CNOT10: variants seen among roughly 807,000 people sequenced by gnomAD.
CNOT10 encodes the protein CCR4-NOT transcription complex subunit 10.
A neutral mutation model predicts 94.6 loss-of-function variants in CNOT10; 30 were observed. The ratio of observed to expected loss-of-function variants is 0.32; its 90% CI spans 0.24 to 0.43. The LOEUF (loss-of-function observed/expected upper bound fraction) is 0.43. Ranked by LOEUF, CNOT10 falls within the 20% of genes least tolerant of loss-of-function variation. CNOT10 has a pLI of 1.00. For missense variants in CNOT10, 759 were observed against 877.2 expected (o/e 0.87, Z 1.70); for synonymous variants, 289 against 301.6 (o/e 0.96, Z 0.43).
chr3:32,704,647 C>T (rs1697527939), intron 2 of CNOT10, among the ~76,000 whole-genome samples, 164 bp from the exon 3 acceptor site: 1 of 152,070 alleles, frequency 6.6e-6, no homozygotes, highest in Non-Finnish European at 1.5e-5. Flanking sequence ...GTTTAACTGA[C>T]ATGAATGTTG....
intron 2 of CNOT10, 32 bp from the exon 3 acceptor site, chr3:32,704,779 T>TTG (rs772306771): frequency 1.8e-4 from 263 of 1,494,488 alleles, no homozygotes; most frequent in Middle Eastern, 3.5e-4. Flanking sequence ...GTATGTAATT[T>TTG]TGTGTGTGTG....
At chr3:32,722,546 G>A (rs1487997716) in intron 8 of CNOT10, among the ~76,000 whole-genome samples, 1 of 152,178 alleles carries the variant, frequency 6.6e-6, no homozygotes, top group African/African-American at 2.4e-5. Context: ...AGCTGGAAGT[G>A]GTGGCTCATG....
intron 14 of CNOT10, among the ~76,000 whole-genome samples, 167 bp from the exon 15 acceptor site, chr3:32,762,566 C>G (rs530589094): frequency 6.6e-6 from 1 of 152,264 alleles, no homozygotes; most frequent in Admixed American, 6.5e-5. Flanking sequence ...CCACTACACC[C>G]AGGCAGTTGA....
intron 13 of CNOT10, chr3:32,753,561 G>A: frequency 6.3e-7 from 1 of 1,586,460 alleles, no homozygotes; most frequent in Non-Finnish European, 8.7e-7. Flanking sequence ...CAGAGGCTGT[G>A]AGATGGGAAA....
Position 32,717,131 on chromosome 3 carries a change from T to G in CNOT10, c.661-23T>G. The G allele has an allele frequency of 2.8e-6, 4 of 1,417,240 alleles. No homozygotes were observed. In the South Asian group the frequency reaches 5.0e-5, roughly 18 times the overall value. The allele number at this position is 1,417,240 out of a possible 1,614,324, so 87.8% of individuals were successfully genotyped here. ...ATGTAAATCCACCATAGTTTTAACA[T>G]ACTAACATTTTCCCTTTGACAGTAC... is the stretch of plus-strand genomic sequence containing the variant. On this transcript the variant is annotated intron_variant, in intron 6 of 18. Coordinates refer to ENST00000328834, the MANE Select transcript of CNOT10 (RefSeq NM_015442.3).
intron 1 of CNOT10, chr3:32,695,533 G>C: frequency 2.7e-6 from 4 of 1,509,140 alleles, no homozygotes; most frequent in South Asian, 1.3e-5. Context: ...GAATGTGTCT[G>C]TGCTTTCAGT....
chr3:32,703,145 C>G (rs565642650), intron 1 of CNOT10, among the ~76,000 whole-genome samples: 1 of 144,510 alleles, frequency 6.9e-6, no homozygotes, highest in Non-Finnish European at 1.5e-5. Flanking sequence ...AGGATGGTCT[C>G]GATCTCCTGA....
rs369881342 is a variant in CNOT10, at chr3:32,773,583, C to T, written c.2207C>T (p.Pro736Leu). 9 of 1,613,736 alleles carry T rather than the reference C, an allele frequency of 5.6e-6. No individual in the cohort carries two copies. The highest frequency in any genetic ancestry group is 2.2e-5 in the East Asian group (1 of 44,876). ...CACCCGATCCAGCCCATCCAAATGC[C>T]GGCTTTCACCACTGTGCAGAGAAAG... is the stretch of plus-strand genomic sequence containing the variant. ...PVHPIQPIQM[P>L]AFTTVQRK The change falls in exon 19 of 19, where the codon CCG becomes CTG. Residue 736 changes from proline (P) to leucine (L), a missense_variant. Around this residue, in one of 3 missense-constraint regions of CNOT10, gnomAD observed 73 missense variants for 61.0 expected, o/e 1.20. Transcript: ENST00000328834.
At position 32,685,264 on chromosome 3, in the gene CNOT10, T is replaced by TG; in HGVS notation, c.-196dup. ...GGCGGTCCCTTGGTGGGGAAGCTGT[T>TG]GCTGTTGCTAGACGACGGGAACTAG... On this transcript the variant is annotated 5_prime_UTR_variant, in exon 1 of 19. An upstream open reading frame in the 5' UTR loses its in-frame stop. Coordinates refer to ENST00000328834, the MANE Select transcript of CNOT10 (RefSeq NM_015442.3). 1 of 567,252 alleles carries TG rather than the reference T, an allele frequency of 1.8e-6. No individual in the cohort carries two copies. The allele number at this position is 567,252 out of a possible 1,614,324, so 35.1% of individuals were successfully genotyped here.
intron 7 of CNOT10, among the ~76,000 whole-genome samples, chr3:32,717,863 C>T (rs1022992809): frequency 1.3e-5 from 2 of 151,894 alleles, no homozygotes; most frequent in African/African-American, 4.8e-5. Context: ...GAGACCCTGT[C>T]AAAAAACATT....
chr3:32,735,175 C>T (rs1699129784), intron 12 of CNOT10, among the ~76,000 whole-genome samples, 199 bp downstream of exon 12: 1 of 152,146 alleles, frequency 6.6e-6, no homozygotes. Context: ...TAGGAGAGAT[C>T]CTTGAAAAAG....
At chr3:32,750,734 C>G (rs1016389436) in intron 13 of CNOT10, among the ~76,000 whole-genome samples, 1 of 151,772 alleles carries the variant, frequency 6.6e-6, no homozygotes, top group Non-Finnish European at 1.5e-5. Context: ...GTATTTTTAG[C>G]AGAGACTGGG....
intron 18 of CNOT10, among the ~76,000 whole-genome samples, chr3:32,771,986 AAG>A (rs1700928507): frequency 1.3e-5 from 2 of 152,212 alleles, no homozygotes; most frequent in African/African-American, 4.8e-5. Context: ...ATCTCACTAG[AAG>A]AAAGGCTGTT....
intron 12 of CNOT10, among the ~76,000 whole-genome samples, chr3:32,736,251 TA>T (rs1416846552): frequency 2.6e-5 from 4 of 152,068 alleles, no homozygotes; most frequent in Admixed American, 6.6e-5. Flanking sequence ...TATGCCCGGC[TA>T]ATTTTTGTAT....
Position 32,768,564 on chromosome 3 carries a change from CAA to C in CNOT10, c.2005-1322_2005-1321del, listed in dbSNP as rs375865395. 1.3e-3 allele frequency among the ~76,000 whole-genome samples: 185 copies of C among 144,294 alleles called. 5 individuals are homozygous for C. In the South Asian group the frequency reaches 0.039, roughly 30 times the overall value. 94.7% of individuals were successfully genotyped at this position (144,294 alleles called of 152,430 possible). ...TGCAATTGCACTCCAGCCTGGGCAA[CAA>C]GAGCAAAACTCCGTCTCAAAAAAAA... is the stretch of plus-strand genomic sequence containing the variant. On this transcript the variant is annotated intron_variant, in intron 17 of 18. Transcript: ENST00000328834.
intron 8 of CNOT10, 137 bp downstream of exon 8, chr3:32,720,368 C>A: frequency 2.3e-6 from 1 of 434,006 alleles, no homozygotes; most frequent in Non-Finnish European, 4.1e-6. Flanking sequence ...ATTTCTGGTG[C>A]AAAAATTTCC....
At chr3:32,699,150 G>A (rs939359301) in intron 1 of CNOT10, among the ~76,000 whole-genome samples, 3 of 152,132 alleles carry the variant, frequency 2.0e-5, no homozygotes, top group African/African-American at 7.2e-5. Context: ...CAGATCATAA[G>A]TGCACATACA....
Position 32,727,686 on chromosome 3 carries a change from G to A in CNOT10, c.1031G>A (p.Arg344Lys). 6.2e-7 allele frequency: 1 copy of A among 1,612,238 alleles called. No homozygotes were observed. Among genetic ancestry groups the A allele is most frequent in the South Asian group, 1.1e-5 (1 of 90,826 alleles). Reference sequence around the variant, plus strand: ...TCACTAGGTAAAAAATTTTCAGGAAGACCCATGTGTACGTTACTAACCAAT... The same window carrying A: ...TCACTAGGTAAAAAATTTTCAGGAAAACCCATGTGTACGTTACTAACCAAT... Reference protein sequence around the residue: ...STDPGKKFSGRPMCTLLTNKR... With the variant: ...STDPGKKFSGKPMCTLLTNKR... The change falls in exon 10 of 19, where the codon AGA becomes AAA. Residue 344 changes from arginine (R) to lysine (K), a missense_variant. Physicochemically the swap from Arg to Lys is conservative, Grantham distance 26. Coordinates refer to ENST00000328834, the MANE Select transcript of CNOT10 (RefSeq NM_015442.3).
chr3:32,752,265 G>T (rs375277336), intron 13 of CNOT10, among the ~76,000 whole-genome samples: 2 of 151,786 alleles, frequency 1.3e-5, no homozygotes, highest in Admixed American at 1.3e-4. Context: ...CTCCAGCCTG[G>T]GCAACAAGAG....
Sources: allele counts gnomAD v4.1 joint callset (sites outside exome capture counted in the v4.1 genomes callset), GRCh38; gene constraint gnomAD v4.1.1; regional missense constraint gnomAD v4.1.1; transcripts MANE v1.5; gene names NCBI Gene and HGNC (gene_info 2026-07-23, HGNC 2026-07-21).